Variants in KCND3 observed in about 807,000 individuals in gnomAD.
The protein encoded by KCND3 is potassium voltage-gated channel subfamily D member 3, also known as A-type voltage-gated potassium channel KCND3.
A neutral mutation model predicts 51.1 loss-of-function variants in KCND3; 9 were observed. The ratio of observed to expected loss-of-function variants is 0.18; its 90% CI spans 0.11 to 0.31. The LOEUF (loss-of-function observed/expected upper bound fraction) is 0.31. Ranked by LOEUF, KCND3 falls within the 10% of genes least tolerant of loss-of-function variation. The pLI is 1.00. For synonymous variants in KCND3, 349 were observed against 368.0 expected, an observed-to-expected ratio of 0.95 and a Z score of 0.59; for missense variants, 526 against 903.8, an observed-to-expected ratio of 0.58 and a Z score of 5.36.
chr1:111,794,430 A>C (rs529534264), intron 2 of KCND3, among the ~76,000 whole-genome samples: 38 of 152,314 alleles, frequency 2.5e-4, no homozygotes, highest in Admixed American at 2.2e-3. Context: ...GTTAGGGCCC[A>C]GCTGCTGGGA....
At chr1:111,841,966 G>A (rs1667340711) in intron 2 of KCND3, among the ~76,000 whole-genome samples, 1 of 152,224 alleles carries the variant, frequency 6.6e-6, no homozygotes, top group African/African-American at 2.4e-5. Context: ...ACTGAGATAT[G>A]TCATTTCCAA....
rs1176554520 is a variant in KCND3 at position 111,982,951 on chromosome 1, T to C, written c.-72-153A>G. Among the ~76,000 whole-genome samples the C allele has an allele frequency of 6.6e-6, 1 of 152,118 alleles. No individual in the cohort carries two copies. The highest frequency in any genetic ancestry group is 1.5e-5 in the Non-Finnish European group (1 of 68,012). On this transcript the variant is annotated intron_variant, in intron 1 of 7. Coordinates refer to ENST00000302127, the MANE Select transcript of KCND3 (RefSeq NM_001378969.1). This position sits in a 1 kb window ranked among gnomAD's most constrained non-coding sequence, Gnocchi z 8.5. ...AAATCCCCACCACAGAGAGGGGACT[T>C]GATTCTTTGCCATCCAGACACTGGG... is the stretch of plus-strand genomic sequence containing the variant.
rs1216276887 is a variant in KCND3, at chr1:111,981,701, G to A, written c.1026C>T (p.Ala342=). The A allele has an allele frequency of 3.7e-6, 6 of 1,614,132 alleles. No homozygotes were observed. The highest frequency in any genetic ancestry group is 1.1e-5 in the South Asian group (1 of 91,066). The change falls in exon 2 of 8, where the codon GCC becomes GCT. Residue 342 remains alanine (A), a synonymous_variant. Coordinates refer to ENST00000302127, the MANE Select transcript of KCND3 (RefSeq NM_001378969.1). The surrounding 1 kb of genome is among the most constrained non-coding windows in gnomAD (Gnocchi z 6.2). The part of the protein sequence containing the change: ...IIIFATVMFY[A]EKGSSASKFT... ...ACTTGCTGGCCGAGGAGCCCTTCTCGGCATAAAACATCACAGTGGCAAAGA... is the reference window on the plus strand; with the variant it reads ...ACTTGCTGGCCGAGGAGCCCTTCTCAGCATAAAACATCACAGTGGCAAAGA...
intron 3 of KCND3, among the ~76,000 whole-genome samples, chr1:111,784,145 C>T (rs1538390): frequency 0.073 from 9,146 of 125,078 alleles, 334 homozygotes; most frequent in Admixed American, 0.15. Flanking sequence ...ACACACACAC[C>T]AGTCCAAGTA....
chr1:111,985,915 TGGAACTGAGGAACTGA>T (rs138839138), intron 1 of KCND3, among the ~76,000 whole-genome samples: 6,360 of 152,264 alleles, frequency 0.042, 358 homozygotes, highest in African/African-American at 0.13. Flanking sequence ...AGCTGATTAC[TGGAACTGAGGAACTGA>T]GGAACTGAGG....
chr1:111,827,230 A>T (rs756308098), intron 2 of KCND3, among the ~76,000 whole-genome samples: 13 of 152,224 alleles, frequency 8.5e-5, no homozygotes, highest in Non-Finnish European at 1.6e-4. Context: ...ATGAGAACAG[A>T]TGTGTACGCA....
intron 2 of KCND3, among the ~76,000 whole-genome samples, chr1:111,803,407 T>G (rs569989356): frequency 6.6e-6 from 1 of 152,232 alleles, no homozygotes. Context: ...CAGCCAGCCT[T>G]GTCTGTGCTG....
At chr1:111,975,233 C>T (rs1339291824) in intron 2 of KCND3, among the ~76,000 whole-genome samples, 1 of 152,224 alleles carries the variant, frequency 6.6e-6, no homozygotes, top group Non-Finnish European at 1.5e-5. Flanking sequence ...GCTGATGCTA[C>T]AACTCAGGTG....
chr1:111,971,796 T>A (rs1674343801), intron 2 of KCND3, among the ~76,000 whole-genome samples: 1 of 152,134 alleles, frequency 6.6e-6, no homozygotes, highest in South Asian at 2.1e-4. Context: ...CCTCCATACC[T>A]CTACTCATGC....
intron 2 of KCND3, among the ~76,000 whole-genome samples, chr1:111,814,392 C>T (rs554519761): frequency 4.1e-4 from 63 of 152,310 alleles, no homozygotes; most frequent in African/African-American, 1.3e-3. Context: ...GTGGATTCTA[C>T]GCCGTGAGAA....
At chr1:111,956,805 T>C (rs980983899) in intron 2 of KCND3, among the ~76,000 whole-genome samples, 2 of 152,152 alleles carry the variant, frequency 1.3e-5, no homozygotes, top group African/African-American at 4.8e-5. Context: ...TCTCTGCAAA[T>C]GAGGACAGTA....
chr1:111,902,932 T>G (rs1393144828), intron 2 of KCND3, among the ~76,000 whole-genome samples: 2 of 152,230 alleles, frequency 1.3e-5, no homozygotes, highest in Non-Finnish European at 2.9e-5. Flanking sequence ...TCAATATATA[T>G]TTTTAAAGAT....
chr1:111,974,003 A>G (rs1240740845), intron 2 of KCND3, among the ~76,000 whole-genome samples: 1 of 152,184 alleles, frequency 6.6e-6, no homozygotes, highest in Non-Finnish European at 1.5e-5. Flanking sequence ...GAGTCCTGAC[A>G]CCCAGAATAA....
chr1:111,862,640 T>G (rs1457865024), intron 2 of KCND3, among the ~76,000 whole-genome samples: 1 of 152,202 alleles, frequency 6.6e-6, no homozygotes, highest in Non-Finnish European at 1.5e-5. Flanking sequence ...TGATGCAATA[T>G]TGTTTGGATT....
Position 111,984,696 on chromosome 1 carries a change from C to T in KCND3, c.-72-1898G>A, listed in dbSNP as rs577922404. Among the ~76,000 whole-genome samples the T allele has an allele frequency of 2.6e-5, 4 of 152,298 alleles. No individual in the cohort carries two copies. In the East Asian group the frequency reaches 5.8e-4, roughly 22 times the overall value. On this transcript the variant is annotated intron_variant, in intron 1 of 7. Coordinates refer to ENST00000302127, the MANE Select transcript of KCND3 (RefSeq NM_001378969.1). ...ACAAATAGATCCTAGCTTCATACTCCAGCCCAATGGCCCAGGCACCCATCC... is the reference window on the plus strand; with the variant it reads ...ACAAATAGATCCTAGCTTCATACTCTAGCCCAATGGCCCAGGCACCCATCC...
At chr1:111,801,503 G>A (rs1263714935) in intron 2 of KCND3, among the ~76,000 whole-genome samples, 1 of 152,172 alleles carries the variant, frequency 6.6e-6, no homozygotes, top group Non-Finnish European at 1.5e-5. Context: ...GCTCCAGCTG[G>A]GACGTGGTTG....
chr1:111,822,535 A>G (rs1666397270), intron 2 of KCND3, among the ~76,000 whole-genome samples: 1 of 152,250 alleles, frequency 6.6e-6, no homozygotes, highest in South Asian at 2.1e-4. Context: ...AGCATGTGTC[A>G]GAATTTCCTT....
At chr1:111,854,920 C>CAA (rs1261874682) in intron 2 of KCND3, among the ~76,000 whole-genome samples, 1 of 152,154 alleles carries the variant, frequency 6.6e-6, no homozygotes, top group African/African-American at 2.4e-5. Context: ...TAGGGAACTT[C>CAA]AAAGCACCTG....
At chr1:111,830,199 A>G (rs1666771535) in intron 2 of KCND3, among the ~76,000 whole-genome samples, 1 of 152,220 alleles carries the variant, frequency 6.6e-6, no homozygotes, top group Non-Finnish European at 1.5e-5. Context: ...ATACATATCA[A>G]TTAACAAACA....
Sources: allele counts gnomAD v4.1 joint callset (sites outside exome capture counted in the v4.1 genomes callset), GRCh38; gene constraint gnomAD v4.1.1; non-coding constraint Gnocchi (gnomAD v3.1); transcripts MANE v1.5; gene names NCBI Gene and HGNC (gene_info 2026-07-23, HGNC 2026-07-21).